Variants in SND1 observed in about 807,000 individuals in gnomAD.
SND1 encodes staphylococcal nuclease domain-containing protein 1.
Under a neutral mutation model 121.7 loss-of-function variants are expected in SND1, and 38 were observed. The observed-to-expected ratio is 0.31, with a 90% confidence interval of 0.24 to 0.41. The LOEUF (loss-of-function observed/expected upper bound fraction) is 0.41, where lower values mean the gene tolerates loss of function less well. Ranked by LOEUF, SND1 falls within the 10% of genes least tolerant of loss-of-function variation. The pLI, the probability that SND1 is intolerant of heterozygous loss-of-function variation, is 1.00. For synonymous variants in SND1, 401 were observed against 447.4 expected (o/e 0.90, Z 1.31); for missense variants, 868 against 1,184.6 (o/e 0.73, Z 3.92).
At chr7:128,022,729 T>C (rs1397399766) in intron 16 of SND1, among the ~76,000 whole-genome samples, 1 of 118,210 alleles carries the variant, frequency 8.5e-6, no homozygotes, top group East Asian at 3.0e-4. Context: ...ACTGTGTTAA[T>C]AGAAATGAGG....
intron 10 of SND1, among the ~76,000 whole-genome samples, chr7:127,797,748 C>A (rs1798052652): frequency 6.8e-6 from 1 of 146,306 alleles, no homozygotes; most frequent in Admixed American, 6.7e-5. Flanking sequence ...TGATACTGTT[C>A]TTTTATTTCA....
intron 16 of SND1, among the ~76,000 whole-genome samples, chr7:128,047,871 A>C (rs1408424191): frequency 2.0e-5 from 3 of 151,084 alleles, no homozygotes; most frequent in Non-Finnish European, 4.4e-5. Context: ...TTTTGAGACG[A>C]AATTTCGCTC....
chr7:127,743,151 T>A (rs1796913737), intron 10 of SND1, among the ~76,000 whole-genome samples: 1 of 152,164 alleles, frequency 6.6e-6, no homozygotes, highest in South Asian at 2.1e-4. Context: ...CAAACTTAAC[T>A]TTTTTGGTGG....
chr7:128,072,423 G>A (rs1165664401), intron 16 of SND1, among the ~76,000 whole-genome samples: 5 of 152,168 alleles, frequency 3.3e-5, no homozygotes, highest in Non-Finnish European at 2.9e-5. Flanking sequence ...ATGTGGGCCT[G>A]GGCTCAGTGT....
intron 15 of SND1, among the ~76,000 whole-genome samples, chr7:127,984,628 T>C (rs1275138233): frequency 1.3e-5 from 2 of 152,350 alleles, no homozygotes; most frequent in African/African-American, 4.8e-5. Context: ...ACATAGTATG[T>C]TAAGTGCTGG....
intron 15 of SND1, among the ~76,000 whole-genome samples, chr7:127,929,797 C>A (rs1052962101): frequency 2.0e-5 from 3 of 152,028 alleles, no homozygotes; most frequent in Admixed American, 6.6e-5. Context: ...AGATCCCAGT[C>A]CTTTATGAAA....
intron 12 of SND1, among the ~76,000 whole-genome samples, chr7:127,878,484 A>G (rs2116712657): frequency 6.6e-6 from 1 of 152,316 alleles, no homozygotes; most frequent in Non-Finnish European, 1.5e-5. Context: ...TGGCTCTCAC[A>G]GCCTGGAGTA....
At chr7:128,075,602 G>GTC (rs771636224) in intron 17 of SND1, among the ~76,000 whole-genome samples, 1 of 152,188 alleles carries the variant, frequency 6.6e-6, no homozygotes, top group African/African-American at 2.4e-5. Flanking sequence ...GTCCTCCTGG[G>GTC]TCTCTCTCTA....
chr7:127,913,475 A>G (rs1033917811), intron 14 of SND1, among the ~76,000 whole-genome samples: 29 of 152,344 alleles, frequency 1.9e-4, no homozygotes, highest in African/African-American at 6.0e-4. Flanking sequence ...ATAAAGTAGC[A>G]TATTTTTCCA....
chr7:127,786,911 G>C (rs1032430710), intron 10 of SND1, among the ~76,000 whole-genome samples: 4 of 152,178 alleles, frequency 2.6e-5, no homozygotes, highest in Admixed American at 6.5e-5. Context: ...CAAAGTGCTG[G>C]GATTACAGGC....
At position 127,980,941 on chromosome 7, in the gene SND1, C is replaced by T. The variant is rs531611806; in HGVS notation, c.1670-10006C>T. Among the ~76,000 whole-genome samples the T allele has an allele frequency of 1.3e-3, 191 of 152,232 alleles. 5 individuals are homozygous for T. In the South Asian group the frequency reaches 0.038, roughly 30 times the overall value. Reference sequence around the variant, plus strand: ...GAATAAAAAAGACCAAGAATAGGAACCTTTGGTGCCAAAAATCAAAAGGGA... The same window carrying T: ...GAATAAAAAAGACCAAGAATAGGAATCTTTGGTGCCAAAAATCAAAAGGGA... On this transcript the variant is annotated intron_variant, in intron 15 of 23. Transcript: ENST00000354725.
rs117593212 is a variant in SND1 at position 127,988,718 on chromosome 7, C to G, written c.1670-2229C>G. On this transcript the variant is annotated intron_variant, in intron 15 of 23. Coordinates refer to ENST00000354725, the MANE Select transcript of SND1 (RefSeq NM_014390.4). ...AAGTGAAGCTCGGAAATCTTTTATG[C>G]CCTCATAGTGAAAATTCAACCCCTT... 8.4e-3 allele frequency among the ~76,000 whole-genome samples: 1,282 copies of G among 152,196 alleles called. 6 individuals are homozygous for G. The highest frequency in any genetic ancestry group is 0.014 in the Non-Finnish European group (962 of 67,992).
At chr7:127,740,317 A>AT (rs551685436) in intron 10 of SND1, among the ~76,000 whole-genome samples, 38 of 152,220 alleles carry the variant, frequency 2.5e-4, no homozygotes, top group Admixed American at 1.1e-3. Flanking sequence ...TAGCTTGGGT[A>AT]TTTTTTTAAG....
At chr7:127,937,077 A>T (rs1396923194) in intron 15 of SND1, among the ~76,000 whole-genome samples, 2 of 152,132 alleles carry the variant, frequency 1.3e-5, no homozygotes, top group Non-Finnish European at 2.9e-5. Flanking sequence ...ATAATTTGAG[A>T]TTTCAGTGCA....
intron 10 of SND1, among the ~76,000 whole-genome samples, chr7:127,727,065 T>C (rs1796594429): frequency 6.6e-6 from 1 of 152,218 alleles, no homozygotes; most frequent in Non-Finnish European, 1.5e-5. Context: ...CCCTGTCTTT[T>C]AGTGTCCTCC....
chr7:127,721,320 G>A lies in SND1; in HGVS notation c.1072G>A (p.Val358Met). The A allele has an allele frequency of 2.5e-6, 4 of 1,613,700 alleles. No homozygotes were observed. The highest frequency in any genetic ancestry group is 1.7e-6 in the Non-Finnish European group (2 of 1,179,800). The stretch of plus-strand genomic sequence containing the variant: ...GGTTCTGAATGCTGATGCCATTGTT[G>A]TGAAGCTGAACTCAGGCGATTACAA... ...MQVLNADAIVVKLNSGDYKTI... is the reference protein window; with the variant it reads ...MQVLNADAIVMKLNSGDYKTI... Residue 358 changes from valine (V) to methionine (M), a missense_variant, in exon 10 of 24, where the codon GTG becomes ATG. By Grantham distance (21) the Val-to-Met change is conservative. This residue lies in a region of SND1 where 743 missense variants were observed against 1,071.3 expected (regional missense o/e 0.69). Coordinates refer to ENST00000354725, the MANE Select transcript of SND1 (RefSeq NM_014390.4).
At chr7:128,066,967 G>A (rs73455785) in intron 16 of SND1, among the ~76,000 whole-genome samples, 225 of 152,240 alleles carry the variant, frequency 1.5e-3, no homozygotes, top group Middle Eastern at 0.014. Flanking sequence ...TTCAGTTCCC[G>A]TCTCTCCATT....
At chr7:127,912,034 G>A (rs113996556) in intron 14 of SND1, among the ~76,000 whole-genome samples, 2,473 of 151,020 alleles carry the variant, frequency 0.016, 92 homozygotes, top group African/African-American at 0.057. Flanking sequence ...GGCTGGACTC[G>A]AACTCCTGGG....
chr7:127,952,439 C>G (rs1433255943), intron 15 of SND1, among the ~76,000 whole-genome samples: 3 of 151,866 alleles, frequency 2.0e-5, no homozygotes, highest in African/African-American at 7.3e-5. Flanking sequence ...ACAGAGGATG[C>G]AAATTGATGG....
Sources: gnomAD v4.1 joint callset for allele counts (sites outside exome capture counted in the v4.1 genomes callset) on GRCh38, gnomAD v4.1.1 for gene constraint, gnomAD v4.1.1 regional missense constraint, MANE v1.5 for transcripts, NCBI Gene and HGNC (gene_info 2026-07-23, HGNC 2026-07-21) for gene names.